Variants in CPQ observed in about 807,000 individuals in gnomAD.
The protein encoded by CPQ is Ser-Met dipeptidase.
In CPQ, 37 loss-of-function variants were observed where a neutral mutation model predicts 45.7. The observed-to-expected ratio is 0.81, with a 90% confidence interval of 0.62 to 1.07. CPQ has a LOEUF of 1.07. Among genes scored for constraint, CPQ ranks in the 50% least tolerant of loss-of-function variants. The probability of loss-of-function intolerance (pLI) is 0.00; values close to 1 mark genes in which losing one functional copy is unlikely to be tolerated. For synonymous variants in CPQ, 186 were observed against 205.8 expected (o/e 0.90, Z 0.82); for missense variants, 537 against 572.9 (o/e 0.94, Z 0.64).
chr8:97,124,098 C>T (rs1322638438), intron 7 of CPQ, among the ~76,000 whole-genome samples: 2 of 151,694 alleles, frequency 1.3e-5, no homozygotes, highest in Non-Finnish European at 2.9e-5. Flanking sequence ...TGGTGGTGGA[C>T]ACCTGTAATC....
At chr8:96,664,469 T>A (rs768354131) in intron 1 of CPQ, among the ~76,000 whole-genome samples, 3 of 152,206 alleles carry the variant, frequency 2.0e-5, no homozygotes, top group African/African-American at 7.2e-5. Flanking sequence ...AAAAGTTTCA[T>A]AGCAGCTGCT....
At chr8:97,087,627 A>G (rs1811062268) in intron 7 of CPQ, among the ~76,000 whole-genome samples, 1 of 152,222 alleles carries the variant, frequency 6.6e-6, no homozygotes, top group South Asian at 2.1e-4. Flanking sequence ...ATGGAAGGTG[A>G]GCTAAATTAG....
intron 3 of CPQ, among the ~76,000 whole-genome samples, chr8:96,844,370 G>A (rs190431458): frequency 1.3e-5 from 2 of 152,264 alleles, no homozygotes; most frequent in Admixed American, 1.3e-4. Context: ...CTCTTTAGGT[G>A]CCTGGAGAAA....
At chr8:96,767,306 G>A (rs751943851) in intron 1 of CPQ, among the ~76,000 whole-genome samples, 3 of 152,114 alleles carry the variant, frequency 2.0e-5, no homozygotes, top group African/African-American at 4.8e-5. Flanking sequence ...AGCGACTAGA[G>A]TGACCTGAAG....
chr8:96,880,276 A>G (rs1367645573), intron 4 of CPQ, among the ~76,000 whole-genome samples: 4 of 151,940 alleles, frequency 2.6e-5, no homozygotes. Context: ...TGTTGGAGGG[A>G]CTGTAAATTA....
At chr8:96,839,022 C>T (rs541545100) in intron 3 of CPQ, among the ~76,000 whole-genome samples, 362 of 152,068 alleles carry the variant, frequency 2.4e-3, no homozygotes, top group Non-Finnish European at 4.3e-3. Flanking sequence ...CATTTCACCT[C>T]TATGGGAGTG....
chr8:96,717,737 C>A (rs573919169), intron 1 of CPQ, among the ~76,000 whole-genome samples: 9 of 152,240 alleles, frequency 5.9e-5, no homozygotes, highest in African/African-American at 2.2e-4. Flanking sequence ...AAAGCCAAGT[C>A]GTGGGCGCTG....
At chr8:96,767,085 G>A (rs1810477610) in intron 1 of CPQ, among the ~76,000 whole-genome samples, 2 of 152,098 alleles carry the variant, frequency 1.3e-5, no homozygotes, top group Admixed American at 1.3e-4. Flanking sequence ...GTGAGCTGCC[G>A]ACTCATTATC....
intron 2 of CPQ, among the ~76,000 whole-genome samples, chr8:96,832,875 T>G (rs1472965168): frequency 6.6e-6 from 1 of 152,096 alleles, no homozygotes; most frequent in Non-Finnish European, 1.5e-5. Flanking sequence ...GATCTGACTC[T>G]TCAGTAGTTT....
intron 4 of CPQ, among the ~76,000 whole-genome samples, chr8:96,893,582 T>C (rs1426848564): frequency 6.6e-6 from 1 of 152,170 alleles, no homozygotes; most frequent in East Asian, 1.9e-4. Context: ...ATAATAATGA[T>C]TCCCACTTTA....
intron 4 of CPQ, among the ~76,000 whole-genome samples, chr8:96,947,303 G>T (rs1433250013): frequency 2.6e-5 from 4 of 152,132 alleles, no homozygotes; most frequent in Non-Finnish European, 5.9e-5. Flanking sequence ...AATTATAATG[G>T]AGTAGGCTAT....
chr8:96,677,722 G>A (rs375134431), intron 1 of CPQ, among the ~76,000 whole-genome samples: 1 of 152,110 alleles, frequency 6.6e-6, no homozygotes, highest in African/African-American at 2.4e-5. Context: ...TGCTTTTGCA[G>A]TCTTATTCAT....
chr8:97,010,277 CT>C (rs1426482725), intron 5 of CPQ, among the ~76,000 whole-genome samples: 1 of 152,060 alleles, frequency 6.6e-6, no homozygotes, highest in East Asian at 1.9e-4. Flanking sequence ...GTAAGGGGGT[CT>C]GAGTCAGGGT....
intron 4 of CPQ, among the ~76,000 whole-genome samples, chr8:96,894,702 T>A (rs971656845): frequency 1.3e-5 from 2 of 152,196 alleles, no homozygotes; most frequent in South Asian, 4.1e-4. Context: ...TACTTCAAAA[T>A]TTTTTTAAAG....
intron 3 of CPQ, among the ~76,000 whole-genome samples, chr8:96,845,463 G>A (rs1017917247): frequency 2.0e-5 from 3 of 152,138 alleles, no homozygotes; most frequent in Admixed American, 2.0e-4. Context: ...GATACATACT[G>A]TATTATAGCT....
intron 3 of CPQ, among the ~76,000 whole-genome samples, chr8:96,873,114 GTTC>G (rs1563517924): frequency 2.6e-5 from 4 of 151,784 alleles, no homozygotes; most frequent in African/African-American, 9.7e-5. Flanking sequence ...CTGTAATGGT[GTTC>G]TTCTGAGATT....
chr8:96,815,040 A>G (rs1182325233), intron 2 of CPQ, among the ~76,000 whole-genome samples: 2 of 152,230 alleles, frequency 1.3e-5, no homozygotes, highest in East Asian at 3.9e-4. Context: ...GGGAGTGATT[A>G]TTAATGGTAC....
intron 5 of CPQ, among the ~76,000 whole-genome samples, chr8:96,999,172 A>G (rs1809225986): frequency 6.6e-6 from 1 of 151,750 alleles, no homozygotes; most frequent in South Asian, 2.1e-4. Flanking sequence ...GGTGCCTCCT[A>G]GATTTTAACA....
At chr8:97,130,442 T>TTC (rs1563589592) in intron 7 of CPQ, among the ~76,000 whole-genome samples, 3 of 131,932 alleles carry the variant, frequency 2.3e-5, no homozygotes, top group Admixed American at 7.7e-5. Context: ...TTTTTTTTTT[T>TTC]CCACAAAAAT....
Sources: allele counts gnomAD v4.1 joint callset (sites outside exome capture counted in the v4.1 genomes callset), GRCh38; gene constraint gnomAD v4.1.1; transcripts MANE v1.5; gene names NCBI Gene and HGNC (gene_info 2026-07-23, HGNC 2026-07-21).